The following C15orf40 variants were observed in gnomAD, a reference collection of about 807,000 sequenced individuals.
C15orf40 encodes the protein UPF0235 protein C15orf40.
C15orf40 carries 9 observed loss-of-function variants against 13.9 expected under a neutral mutation model. That is an observed-to-expected ratio of 0.65 (90% CI 0.39 to 1.13). The LOEUF (loss-of-function observed/expected upper bound fraction) is 1.13, where lower values mean the gene tolerates loss of function less well. Among genes scored for constraint, C15orf40 ranks in the 50% most tolerant of loss-of-function variants. C15orf40 has a pLI of 0.01. For missense variants in C15orf40, 225 were observed against 188.5 expected (o/e 1.19, Z -1.13); for synonymous variants, 95 against 69.2 (o/e 1.37, Z -1.85).
rs1315325306 is a variant in C15orf40, at chr15:82,999,673, C to T, written c.*5924G>A. The T allele has an allele frequency of 2.0e-5, 3 of 152,208 alleles. No individual in the cohort carries two copies. Among genetic ancestry groups the T allele is most frequent in the African/African-American group, 4.8e-5 (2 of 41,452 alleles). The allele number at this position is 152,208 out of a possible 1,614,324, so 9.4% of individuals were successfully genotyped here. A position where few individuals can be genotyped will look rare whatever the true frequency, so the allele number is the denominator to read the frequency against. ...TATTGTCCACAGTGCCCCAATCCCC[C>T]TAGGCATCTCTGGGGAAACCTAAGG... On this transcript the variant is annotated 3_prime_UTR_variant, in exon 4 of 4. Transcript: ENST00000304177.
In C15orf40 at chr15:82,996,044, C is replaced by T. The variant is rs1184423586; in HGVS notation, c.*9553G>A. Reference sequence around the variant, plus strand: ...CTCTCCCTAAAGGGCACAGACAGCCCCATGTATGGGCTAATTCAGTTGGTG... The same window carrying T: ...CTCTCCCTAAAGGGCACAGACAGCCTCATGTATGGGCTAATTCAGTTGGTG... On this transcript the variant is annotated 3_prime_UTR_variant, in exon 4 of 4. Coordinates refer to ENST00000304177, the MANE Select transcript of C15orf40 (RefSeq NM_144597.3). 2 of 152,204 alleles carry T rather than the reference C, an allele frequency of 1.3e-5. No homozygotes were observed. The highest frequency in any genetic ancestry group is 4.8e-5 in the African/African-American group (2 of 41,450). The allele number at this position is 152,204 out of a possible 1,614,324, so 9.4% of individuals were successfully genotyped here. A position where few individuals can be genotyped will look rare whatever the true frequency, so the allele number is the denominator to read the frequency against.
At chr15:82,992,668 G>A (rs570294817), downstream of C15orf40, among the ~76,000 whole-genome samples, 2 of 152,214 alleles carry the variant, frequency 1.3e-5, no homozygotes, top group East Asian at 1.9e-4. Context: ...CAAGGCCAGC[G>A]CTGGAGGAGT....
Position 83,005,096 on chromosome 15 carries a change from G to A in C15orf40, c.*501C>T. On this transcript the variant is annotated 3_prime_UTR_variant, in exon 4 of 4. Coordinates refer to ENST00000304177, the MANE Select transcript of C15orf40 (RefSeq NM_144597.3). ...AAATCAGAGTAACATGTTCCAGGCT[G>A]TTTGGGGTTTGGGATTTTAGAACCT... The A allele has an allele frequency of 2.6e-6, 3 of 1,139,886 alleles. No homozygotes were observed. The highest frequency in any genetic ancestry group is 3.3e-6 in the Non-Finnish European group (3 of 905,986). 70.6% of individuals were successfully genotyped at this position (1,139,886 alleles called of 1,614,324 possible).
downstream of C15orf40, chr15:82,991,928 T>C (rs1265209243): frequency 1.6e-6 from 2 of 1,288,828 alleles, no homozygotes; most frequent in East Asian, 5.6e-5. Flanking sequence ...ATCAAAAATA[T>C]CACCTGGTTG....
downstream of C15orf40, chr15:82,989,849 G>T: frequency 6.2e-7 from 1 of 1,605,154 alleles, no homozygotes. Context: ...AACAAGGGAA[G>T]TTTAAAGATC....
At chr15:82,991,370 C>T (rs2151272046), downstream of C15orf40, among the ~76,000 whole-genome samples, 1 of 152,124 alleles carries the variant, frequency 6.6e-6, no homozygotes, top group Admixed American at 6.5e-5. Flanking sequence ...CATGATGAGA[C>T]CCCGTCTCTA....
At chr15:83,009,191 T>A (rs991813350) in intron 2 of C15orf40, among the ~76,000 whole-genome samples, 18 of 152,260 alleles carry the variant, frequency 1.2e-4, no homozygotes, top group African/African-American at 4.1e-4. Flanking sequence ...AACAAATATT[T>A]ACAGAGCACT....
chr15:83,007,554 G>T (rs2031754619), intron 3 of C15orf40, among the ~76,000 whole-genome samples: 1 of 152,122 alleles, frequency 6.6e-6, no homozygotes, highest in African/African-American at 2.4e-5. Flanking sequence ...ATTTGAAAAA[G>T]ACAAAGAAAA....
rs576477060 is a variant in C15orf40, at chr15:83,005,535, C to T, written c.*62G>A. The T allele has an allele frequency of 1.3e-4, 181 of 1,413,442 alleles. No homozygotes were observed. Among genetic ancestry groups the T allele is most frequent in the Middle Eastern group, 4.5e-4 (2 of 4,442 alleles). The allele number at this position is 1,413,442 out of a possible 1,614,324, so 87.6% of individuals were successfully genotyped here. A position where few individuals can be genotyped will look rare whatever the true frequency, so the allele number is the denominator to read the frequency against. On this transcript the variant is annotated 3_prime_UTR_variant, in exon 4 of 4. Transcript: ENST00000304177. ...CTGACCTCAGGTGATCCGCCCACCA[C>T]GGCCTCCCAAAGTGCTGGGATTACA...
At chr15:82,990,919 T>C (rs1306829076), downstream of C15orf40, 5 of 348,196 alleles carry the variant, frequency 1.4e-5, no homozygotes, top group East Asian at 2.2e-4. Context: ...TGCATACCTC[T>C]GCTGCTTTCT....
rs1046622094 is a variant in C15orf40, at chr15:82,994,830, G to C, written c.*10767C>G. On this transcript the variant is annotated 3_prime_UTR_variant, in exon 4 of 4. Coordinates refer to ENST00000304177, the MANE Select transcript of C15orf40 (RefSeq NM_144597.3). Reference sequence around the variant, plus strand: ...TATATAAGGTACTCAAAGAATCTTCGTTCTGTTTATTTATGAACACAGAAA... The same window carrying C: ...TATATAAGGTACTCAAAGAATCTTCCTTCTGTTTATTTATGAACACAGAAA... 6 of 152,000 alleles carry C rather than the reference G, an allele frequency of 3.9e-5. No individual in the cohort carries two copies. Among genetic ancestry groups the C allele is most frequent in the African/African-American group, 1.4e-4 (6 of 41,408 alleles). The allele number at this position is 152,000 out of a possible 1,614,324, so 9.4% of individuals were successfully genotyped here.
At chr15:82,989,844 G>T, downstream of C15orf40, 1 of 1,601,310 alleles carries the variant, frequency 6.2e-7, no homozygotes, top group Non-Finnish European at 8.5e-7. Context: ...TTTTTAACAA[G>T]GGAAGTTTAA....
At position 83,004,680 on chromosome 15, in the gene C15orf40, TTTC is replaced by T. The variant is rs1425186457; in HGVS notation, c.*914_*916del. 15 of 916,508 alleles carry T rather than the reference TTTC, an allele frequency of 1.6e-5. No individual in the cohort carries two copies. The Admixed American group carries it at 2.4e-4, about 15-fold the overall frequency. The allele number at this position is 916,508 out of a possible 1,614,324, so 56.8% of individuals were successfully genotyped here. ...TCACATTTAATTACAAGTCATGATT[TTTC>T]TTTACTTTTTCAACAAAATGGTAAA... On this transcript the variant is annotated 3_prime_UTR_variant, in exon 4 of 4. Coordinates refer to ENST00000304177, the MANE Select transcript of C15orf40 (RefSeq NM_144597.3).
chr15:83,005,503 C>G lies in C15orf40; in HGVS notation c.*94G>C, dbSNP rs147764368. ...TTCACCATGTTGGTCAGGCTGGTCT[C>G]GAACTCCTGACCTCAGGTGATCCGC... On this transcript the variant is annotated 3_prime_UTR_variant, in exon 4 of 4. Transcript: ENST00000304177. 2,780 of 1,133,914 alleles carry G rather than the reference C, an allele frequency of 2.5e-3. 48 individuals carry two copies. The African/African-American group carries it at 0.041, about 17-fold the overall frequency. 70.2% of individuals were successfully genotyped at this position (1,133,914 alleles called of 1,614,324 possible).
rs1229376010 is a variant in C15orf40 at position 83,011,554 on chromosome 15, C to A, written c.54G>T (p.Arg18=). 1 of 1,606,782 alleles carries A rather than the reference C, an allele frequency of 6.2e-7. No homozygotes were observed. Residue 18 remains arginine (R), a synonymous_variant, in exon 1 of 4, where the codon CGG becomes CGT. Transcript: ENST00000304177. ...LRHLRATPNT[R]GSARLLCAEM... The stretch of plus-strand genomic sequence containing the variant: ...CGGCGCAAAGAAGCCGAGCGGAGCC[C>A]CGAGTATTGGGTGTTGCCCGAAGGT...
chr15:83,010,210 G>C, intron 2 of C15orf40, 27 bp downstream of exon 2: 1 of 1,613,688 alleles, frequency 6.2e-7, no homozygotes, highest in Non-Finnish European at 8.5e-7. Context: ...ATTCACACTT[G>C]AATCCCACCC....
In C15orf40 at chr15:83,004,742, TTTTACA is replaced by T. The variant is rs775481343; in HGVS notation, c.*849_*854del. 18 of 1,009,620 alleles carry T rather than the reference TTTTACA, an allele frequency of 1.8e-5. No individual in the cohort carries two copies. The highest frequency in any genetic ancestry group is 2.2e-5 in the Non-Finnish European group (18 of 836,734). 62.5% of individuals were successfully genotyped at this position (1,009,620 alleles called of 1,614,324 possible). A position where few individuals can be genotyped will look rare whatever the true frequency, so the allele number is the denominator to read the frequency against. On this transcript the variant is annotated 3_prime_UTR_variant, in exon 4 of 4. Coordinates refer to ENST00000304177, the MANE Select transcript of C15orf40 (RefSeq NM_144597.3). ...TTAAAAGATGTAAAAAAAAAATTTT[TTTTACA>T]TTTAAATAAGCATTTAAAAATCTAA... is the stretch of plus-strand genomic sequence containing the variant.
Position 83,003,771 on chromosome 15 carries a change from G to A in C15orf40, c.*1826C>T, listed in dbSNP as rs748113942. 5 of 152,170 alleles carry A rather than the reference G, an allele frequency of 3.3e-5. No homozygotes were observed. The highest frequency in any genetic ancestry group is 5.9e-5 in the Non-Finnish European group (4 of 68,074). 9.4% of individuals were successfully genotyped at this position (152,170 alleles called of 1,614,324 possible). ...GGATTTTTTCTTTCTTTTTGAGACGGAGTCTCACTCTTGTCGCCGAGGCTG... is the reference window on the plus strand; with the variant it reads ...GGATTTTTTCTTTCTTTTTGAGACGAAGTCTCACTCTTGTCGCCGAGGCTG... On this transcript the variant is annotated 3_prime_UTR_variant, in exon 4 of 4. Transcript: ENST00000304177.
chr15:83,011,450 G>C (rs780608333), intron 1 of C15orf40, 47 bp downstream of exon 1: 1 of 1,547,184 alleles, frequency 6.5e-7, no homozygotes, highest in Non-Finnish European at 8.7e-7. Context: ...TCTTCAACAA[G>C]TACCCCTGAG....
Sources: gnomAD v4.1 joint callset for allele counts (sites outside exome capture counted in the v4.1 genomes callset) on GRCh38, gnomAD v4.1.1 for gene constraint, MANE v1.5 for transcripts, NCBI Gene and HGNC (gene_info 2026-07-23, HGNC 2026-07-21) for gene names.